NXPE2: variants seen among roughly 807,000 people sequenced by gnomAD.
NXPE2 encodes NXPE family member 2.
NXPE2 carries 34 observed loss-of-function variants against 34.4 expected under a neutral mutation model. That is an observed-to-expected ratio of 0.99 (90% confidence interval 0.75 to 1.31). The LOEUF (loss-of-function observed/expected upper bound fraction) is 1.31, where lower values mean the gene tolerates loss of function less well. NXPE2 is among the 40% of genes most tolerant of loss of function. The pLI is 0.00. For synonymous variants in NXPE2, 235 were observed against 231.3 expected, an observed-to-expected ratio of 1.02 and a Z score of -0.15; for missense variants, 649 against 672.5, an observed-to-expected ratio of 0.97 and a Z score of 0.39.
downstream of NXPE2, among the ~76,000 whole-genome samples, chr11:114,709,280 A>G (rs1488932520): frequency 6.6e-6 from 1 of 152,168 alleles, no homozygotes; most frequent in African/African-American, 2.4e-5. Context: ...TGTCATTGTA[A>G]TTGGTTGCAT....
chr11:114,616,707 T>C, the NXPE2 span, among the ~76,000 whole-genome samples: 4 of 151,904 alleles, frequency 2.6e-5, no homozygotes, highest in South Asian at 8.3e-4. Context: ...AAACCACTGT[T>C]ACCCAGTGTA....
At chr11:114,545,469 G>T in the NXPE2 span, among the ~76,000 whole-genome samples, 1 of 152,152 alleles carries the variant, frequency 6.6e-6, no homozygotes, top group Non-Finnish European at 1.5e-5. Flanking sequence ...CATCTGAAAA[G>T]GCTATGCACT....
At chr11:114,600,707 T>TA in the NXPE2 span, among the ~76,000 whole-genome samples, 2 of 151,972 alleles carry the variant, frequency 1.3e-5, no homozygotes, top group African/African-American at 2.4e-5. Flanking sequence ...GAAAAACTAG[T>TA]AAAATCCAAA....
the NXPE2 span, among the ~76,000 whole-genome samples, chr11:114,499,591 ATC>A: frequency 6.6e-6 from 1 of 152,306 alleles, no homozygotes; most frequent in Admixed American, 6.5e-5. Context: ...GAAAATACGT[ATC>A]TTAAGGGTAC....
the NXPE2 span, chr11:114,513,004 G>A: frequency 2.7e-6 from 1 of 371,666 alleles, no homozygotes; most frequent in South Asian, 2.3e-5. Flanking sequence ...TCCTTCACTG[G>A]GGTGGGTGAG....
At chr11:114,631,132 A>G in the NXPE2 span, among the ~76,000 whole-genome samples, 1 of 152,068 alleles carries the variant, frequency 6.6e-6, no homozygotes, top group African/African-American at 2.4e-5. Context: ...TCAGGGATCT[A>G]GAACTAGAAA....
chr11:114,611,781 G>A, the NXPE2 span, among the ~76,000 whole-genome samples: 115 of 151,612 alleles, frequency 7.6e-4, no homozygotes, highest in African/African-American at 2.6e-3. Context: ...ACTGTTACCC[G>A]GTGGATAATA....
At chr11:114,521,876 T>C in the NXPE2 span, 2 of 983,014 alleles carry the variant, frequency 2.0e-6, no homozygotes, top group Non-Finnish European at 3.1e-6. Flanking sequence ...TTTATTTTCC[T>C]TAGTTCCTAA....
At chr11:114,536,268 G>A in the NXPE2 span, among the ~76,000 whole-genome samples, 1 of 152,168 alleles carries the variant, frequency 6.6e-6, no homozygotes, top group East Asian at 1.9e-4. Context: ...GAATCTCTGG[G>A]ACATATTCAA....
At chr11:114,598,919 G>A in the NXPE2 span, among the ~76,000 whole-genome samples, 14 of 152,236 alleles carry the variant, frequency 9.2e-5, no homozygotes, top group Non-Finnish European at 1.8e-4. Flanking sequence ...TTTGCATTTG[G>A]CTCCTTTTTA....
chr11:114,683,542 T>A (rs1016156930), intron 2 of NXPE2, among the ~76,000 whole-genome samples: 3 of 151,250 alleles, frequency 2.0e-5, no homozygotes, highest in African/African-American at 7.3e-5. Context: ...TGCCTCAGCC[T>A]CCCGAGTAGC....
chr11:114,737,570 A>G, the NXPE2 span, among the ~76,000 whole-genome samples: 1 of 152,142 alleles, frequency 6.6e-6, no homozygotes, highest in Admixed American at 6.6e-5. Flanking sequence ...CCTGCCAAAC[A>G]ATTCTAGAGG....
the NXPE2 span, among the ~76,000 whole-genome samples, chr11:114,626,036 G>C: frequency 6.6e-6 from 1 of 152,220 alleles, no homozygotes; most frequent in Non-Finnish European, 1.5e-5. Flanking sequence ...CGCCCACGGA[G>C]TCTCACTGAT....
the NXPE2 span, among the ~76,000 whole-genome samples, chr11:114,748,567 AC>A: frequency 6.6e-6 from 1 of 152,116 alleles, no homozygotes; most frequent in African/African-American, 2.4e-5. Context: ...CAGACCAGTT[AC>A]TTTTTACTGT....
chr11:114,626,027 G>A, the NXPE2 span, among the ~76,000 whole-genome samples: 5 of 152,206 alleles, frequency 3.3e-5, no homozygotes, highest in African/African-American at 4.8e-5. Flanking sequence ...AGGGTCCTAC[G>A]CCCACGGAGT....
At chr11:114,793,615 G>C in the NXPE2 span, among the ~76,000 whole-genome samples, 4 of 152,140 alleles carry the variant, frequency 2.6e-5, no homozygotes, top group Admixed American at 2.6e-4. Context: ...GAGAAGATTG[G>C]GTAGTAAACT....
At chr11:114,520,081 C>T in the NXPE2 span, among the ~76,000 whole-genome samples, 1 of 152,032 alleles carries the variant, frequency 6.6e-6, no homozygotes, top group Non-Finnish European at 1.5e-5. Flanking sequence ...GCATTACAGG[C>T]GTAAGCCACC....
chr11:114,568,469 TC>T, the NXPE2 span, among the ~76,000 whole-genome samples: 1 of 147,664 alleles, frequency 6.8e-6, no homozygotes, highest in African/African-American at 2.5e-5. Flanking sequence ...AAGGTACTGC[TC>T]CCCCCTCCCT....
the NXPE2 span, among the ~76,000 whole-genome samples, chr11:114,571,842 G>A: frequency 6.6e-6 from 1 of 152,192 alleles, no homozygotes; most frequent in Admixed American, 6.5e-5. Flanking sequence ...GGCTCTCTGA[G>A]ATGCTGAAAA....
Sources: gnomAD v4.1 joint callset for allele counts (sites outside exome capture counted in the v4.1 genomes callset) on GRCh38, gnomAD v4.1.1 for gene constraint, MANE v1.5 for transcripts, NCBI Gene and HGNC (gene_info 2026-07-23, HGNC 2026-07-21) for gene names.